PKHD1: variants seen among roughly 807,000 people sequenced by gnomAD.
PKHD1 encodes fibrocystin.
A neutral mutation model predicts 412.0 loss-of-function variants in PKHD1; 291 were observed. That is an observed-to-expected ratio of 0.71 (90% confidence interval 0.64 to 0.78). The LOEUF is 0.78. Ranked by LOEUF, PKHD1 falls within the 30% of genes least tolerant of loss-of-function variation. The probability of loss-of-function intolerance (pLI) is 0.00; values close to 1 mark genes in which losing one functional copy is unlikely to be tolerated. For synonymous variants in PKHD1, 1,777 were observed against 1,821.5 expected (o/e 0.98, Z 0.62); for missense variants, 4,825 against 4,950.7 (o/e 0.97, Z 0.76).
intron 52 of PKHD1, among the ~76,000 whole-genome samples, chr6:51,805,456 C>G (rs61669366): frequency 0.16 from 24,060 of 152,128 alleles, 1,954 homozygotes; most frequent in East Asian, 0.2. Flanking sequence ...AAAGGATTCA[C>G]TCATATCCCA....
intron 57 of PKHD1, among the ~76,000 whole-genome samples, chr6:51,749,008 T>C (rs531425594): frequency 8.5e-5 from 13 of 152,256 alleles, no homozygotes; most frequent in African/African-American, 2.9e-4. Context: ...TGGGTAAGAA[T>C]AGATTCTGGG....
rs779924275 is a variant in PKHD1, at chr6:52,082,460, T to C, written c.213A>G (p.Ala71=). Residue 71 remains alanine (A), a synonymous_variant, in exon 4 of 67, where the codon GCA becomes GCG. Coordinates refer to ENST00000371117, the MANE Select transcript of PKHD1 (RefSeq NM_138694.4). ...AGACGTCACAGGGAACACTCCGCAG[T>C]GCGGGCACCACCATGTTCACGTTCA... ...HLVNVNMVVP[A]LRSVPCDVFP... 6.2e-7 allele frequency: 1 copy of C among 1,614,090 alleles called. No homozygotes were observed. Among genetic ancestry groups the C allele is most frequent in the East Asian group, 2.2e-5 (1 of 44,876 alleles).
At chr6:52,037,723 T>G (rs371536676) in intron 27 of PKHD1, among the ~76,000 whole-genome samples, 1 of 152,248 alleles carries the variant, frequency 6.6e-6, no homozygotes, top group South Asian at 2.1e-4. Context: ...CACTCATATA[T>G]GCATTGTTGC....
At position 52,045,188 on chromosome 6, in the gene PKHD1, T is replaced by A. The variant is rs141604750; in HGVS notation, c.2593-100A>T. The A allele has an allele frequency of 4.7e-4, 537 of 1,145,274 alleles. 6 individuals are homozygous for A. The African/African-American group carries it at 7.5e-3, about 16-fold the overall frequency. The allele number at this position is 1,145,274 out of a possible 1,614,324, so 70.9% of individuals were successfully genotyped here. On this transcript the variant is annotated intron_variant, in intron 24 of 66. Transcript: ENST00000371117. ...TTTTTTCACATTGTGTTTCAGATAA[T>A]CAGACAGCTAGAAAGTGAAAGCAGA...
chr6:51,918,998 G>C lies in PKHD1; in HGVS notation c.6122-6422C>G, dbSNP rs571705326. 5.3e-5 allele frequency among the ~76,000 whole-genome samples: 8 copies of C among 152,096 alleles called. 1 individual carries two copies. The highest frequency in any genetic ancestry group is 1.9e-4 in the African/African-American group (8 of 41,500). ...TGGGGTTGTTTTTTCTTGTAAATTT[G>C]TCTAAGTTCCTTGTAGACTCTGGAA... On this transcript the variant is annotated intron_variant, in intron 37 of 66. Transcript: ENST00000371117.
At chr6:51,757,360 T>G (rs1371204498) in intron 55 of PKHD1, among the ~76,000 whole-genome samples, 1 of 152,126 alleles carries the variant, frequency 6.6e-6, no homozygotes, top group South Asian at 2.1e-4. Context: ...TCCATAGAAC[T>G]GTTTAACATT....
intron 35 of PKHD1, among the ~76,000 whole-genome samples, chr6:52,000,530 C>A (rs987263982): frequency 6.6e-6 from 1 of 152,140 alleles, no homozygotes; most frequent in Admixed American, 6.5e-5. Context: ...TGAAGTTGTA[C>A]TTTAGAAGGA....
intron 35 of PKHD1, among the ~76,000 whole-genome samples, chr6:51,979,834 C>A (rs2128021052): frequency 6.6e-6 from 1 of 152,294 alleles, no homozygotes; most frequent in Middle Eastern, 3.4e-3. Flanking sequence ...GACTTGTATG[C>A]ACGTGTTTTT....
intron 50 of PKHD1, among the ~76,000 whole-genome samples, chr6:51,841,793 G>A (rs1770255756): frequency 6.6e-6 from 1 of 152,170 alleles, no homozygotes; most frequent in African/African-American, 2.4e-5. Context: ...TATTTTCCAG[G>A]ATTTGCAGGC....
intron 64 of PKHD1, among the ~76,000 whole-genome samples, chr6:51,635,493 A>G (rs1336850172): frequency 6.6e-6 from 1 of 152,170 alleles, no homozygotes; most frequent in Non-Finnish European, 1.5e-5. Context: ...AGGCTTTTCT[A>G]CACCCTTGGG....
chr6:51,769,741 T>C (rs1789736155), intron 55 of PKHD1, among the ~76,000 whole-genome samples: 1 of 151,438 alleles, frequency 6.6e-6, no homozygotes, highest in Non-Finnish European at 1.5e-5. Flanking sequence ...ACTGTCAATA[T>C]GAAAACTGTC....
At chr6:51,964,656 C>A (rs1383284316) in intron 35 of PKHD1, among the ~76,000 whole-genome samples, 1 of 152,136 alleles carries the variant, frequency 6.6e-6, no homozygotes, top group Non-Finnish European at 1.5e-5. Flanking sequence ...ATGGTCAACT[C>A]TTATTTGGAC....
chr6:51,982,624 G>A (rs936752341), intron 35 of PKHD1, among the ~76,000 whole-genome samples: 10 of 148,352 alleles, frequency 6.7e-5, no homozygotes, highest in African/African-American at 2.5e-4. Flanking sequence ...TGCTCGTCAA[G>A]AGTCATCACC....
intron 43 of PKHD1, among the ~76,000 whole-genome samples, chr6:51,902,781 T>C (rs10456654): frequency 0.13 from 19,578 of 152,184 alleles, 1,540 homozygotes; most frequent in Non-Finnish European, 0.19. Context: ...ACAGCTACAT[T>C]GTCCCCTCAA....
rs1401999518 is a variant in PKHD1, at chr6:51,669,721, A to T, written c.10157-9752T>A. Among the ~76,000 whole-genome samples, 839 of 135,380 alleles carry T rather than the reference A, an allele frequency of 6.2e-3. 4 individuals carry two copies. Among genetic ancestry groups the T allele is most frequent in the Admixed American group, 0.012 (151 of 13,082 alleles). 88.8% of individuals were successfully genotyped at this position (135,380 alleles called of 152,430 possible). A position where few individuals can be genotyped will look rare whatever the true frequency, so the allele number is the denominator to read the frequency against. ...TTCCCTCTACACACTGCTTTGAATG[A>T]GTCCCAGAGATTCTGGTATGTTGTG... On this transcript the variant is annotated intron_variant, in intron 60 of 66. Transcript: ENST00000371117.
intron 52 of PKHD1, among the ~76,000 whole-genome samples, chr6:51,824,676 T>C (rs1292203837): frequency 6.6e-6 from 1 of 152,158 alleles, no homozygotes; most frequent in South Asian, 2.1e-4. Flanking sequence ...CTAAAGAAGG[T>C]CAAAGGAAAG....
chr6:51,909,228 GC>G (rs2127651288), intron 40 of PKHD1, 54 bp downstream of exon 40: 1 of 1,268,870 alleles, frequency 7.9e-7, no homozygotes, highest in African/African-American at 1.5e-5. Context: ...TGCATGTAGT[GC>G]CTTAAACATG....
chr6:51,886,032 T>A (rs746683939), intron 44 of PKHD1, 60 bp from the exon 45 acceptor site: 2 of 1,022,408 alleles, frequency 2.0e-6, no homozygotes, highest in South Asian at 1.3e-5. Context: ...TTCTACTTTT[T>A]CTTGTTGAAA....
Position 51,670,286 on chromosome 6 carries a change from G to C in PKHD1, c.10157-10317C>G, listed in dbSNP as rs530616061. 8.5e-3 allele frequency among the ~76,000 whole-genome samples: 1,291 copies of C among 152,114 alleles called. 18 individuals carry two copies. Among genetic ancestry groups the C allele is most frequent in the African/African-American group, 0.029 (1,221 of 41,462 alleles). ...TTAGCTCTTCTTGTTGAATTGATCC[G>C]TTTACCATTATGTAATGGCCTTCTT... On this transcript the variant is annotated intron_variant, in intron 60 of 66. Transcript: ENST00000371117.
Sources: gnomAD v4.1 joint callset for allele counts (sites outside exome capture counted in the v4.1 genomes callset) on GRCh38, gnomAD v4.1.1 for gene constraint, MANE v1.5 for transcripts, NCBI Gene and HGNC (gene_info 2026-07-23, HGNC 2026-07-21) for gene names.